Variants in TPM1 observed in about 807,000 individuals in gnomAD.
TPM1 encodes the protein tropomyosin 1, also known as tropomyosin alpha-1 chain.
In TPM1, 24 loss-of-function variants were observed where a neutral mutation model predicts 42.9. The observed-to-expected ratio is 0.56, with a 90% confidence interval of 0.41 to 0.79. The LOEUF is 0.79. Among genes scored for constraint, TPM1 ranks in the 30% least tolerant of loss-of-function variants. TPM1 has a pLI of 0.00. For missense variants in TPM1, 158 were observed against 351.8 expected, an observed-to-expected ratio of 0.45 and a Z score of 4.41; for synonymous variants, 136 against 130.1, an observed-to-expected ratio of 1.05 and a Z score of -0.31.
chr15:63,064,422 T>G, intron 9 of TPM1: 2 of 1,236,606 alleles, frequency 1.6e-6, no homozygotes, highest in Non-Finnish European at 2.0e-6. Flanking sequence ...AGCACTGTCC[T>G]TTTGGGAAAT....
intron 2 of TPM1, chr15:63,048,926 C>A (rs751240374): frequency 2.1e-5 from 14 of 657,176 alleles, no homozygotes; most frequent in Non-Finnish European, 3.2e-5. Context: ...CCAAAGTAAA[C>A]GCTCCCAGGG....
intron 2 of TPM1, chr15:63,045,794 G>C (rs2032264981): frequency 6.6e-6 from 1 of 152,226 alleles, no homozygotes; most frequent in African/African-American, 2.4e-5. Context: ...GTTATTTAAA[G>C]TCAGCTGGTG....
chr15:63,043,596 C>G (rs1197551364), intron 1 of TPM1: 2 of 1,503,744 alleles, frequency 1.3e-6, no homozygotes, highest in African/African-American at 2.8e-5. Context: ...CACTCCAACT[C>G]GGCGGCGCCC....
At chr15:63,070,224 AT>A, downstream of TPM1, 3 of 1,207,816 alleles carry the variant, frequency 2.5e-6, no homozygotes, top group Non-Finnish European at 3.1e-6. Context: ...GAACTGATAA[AT>A]AATGAGGAGC....
At chr15:63,061,118 T>C (rs1319395944) in intron 5 of TPM1, 179 bp downstream of exon 5, 6 of 1,499,090 alleles carry the variant, frequency 4.0e-6, no homozygotes, top group Admixed American at 1.7e-5. Context: ...GTCTTATGTA[T>C]GAATGCGTGT....
rs757080224 is a variant in TPM1 at position 63,065,930 on chromosome 15, C to G, written c.*31C>G. The G allele has an allele frequency of 5.6e-6, 9 of 1,609,738 alleles. No individual in the cohort carries two copies. The highest frequency in any genetic ancestry group is 1.7e-5 in the Admixed American group (1 of 59,590). ...TTTGCTTCACTTCTCCCAAGACTCC[C>G]TCGTCGAGCTGGATGTCCCACCTCT... On this transcript the variant is annotated 3_prime_UTR_variant, in exon 10 of 10. Coordinates refer to ENST00000403994, the MANE Select transcript of TPM1 (RefSeq NM_001018005.2).
intron 8 of TPM1, 161 bp downstream of exon 8, chr15:63,062,806 A>G (rs2035828781): frequency 6.5e-7 from 1 of 1,541,620 alleles, no homozygotes; most frequent in Non-Finnish European, 8.7e-7. Context: ...TCTTGAACTC[A>G]TGAACCTAAG....
At chr15:63,071,268 C>T in exon 9 of TPM1, 1 of 1,361,908 alleles carries the variant, frequency 7.3e-7, no homozygotes, top group Non-Finnish European at 1.0e-6. Flanking sequence ...ACTTTTACCA[C>T]TGTCACAGAA....
intron 9 of TPM1, 90 bp from the exon 10 acceptor site, chr15:63,065,806 C>T: frequency 1.4e-6 from 2 of 1,437,730 alleles, no homozygotes; most frequent in Non-Finnish European, 1.9e-6. Flanking sequence ...GTTTCAAGTG[C>T]TCTCATCTAT....
At chr15:63,057,298 C>G (rs1756099778) in intron 3 of TPM1, among the ~76,000 whole-genome samples, 180 bp downstream of exon 3, 2 of 152,214 alleles carry the variant, frequency 1.3e-5, no homozygotes, top group Admixed American at 1.3e-4. Context: ...GAAACACCTA[C>G]TATGTCCAAA....
At chr15:63,049,126 C>T (rs1048863923) in intron 2 of TPM1, 1 of 228,856 alleles carries the variant, frequency 4.4e-6, no homozygotes, top group African/African-American at 2.4e-5. Context: ...AGAAGGGGCG[C>T]CGACAGGTCA....
At position 63,050,489 on chromosome 15, in the gene TPM1, T is replaced by G. The variant is rs1461953953; in HGVS notation, c.240+6337T>G. On this transcript the variant is annotated intron_variant, in intron 2 of 9. Transcript: ENST00000403994. Reference sequence around the variant, plus strand: ...TGATGTTAGACACAAAAGATAAATTTTATGAAGGGCACATTATTACTTTTA... The same window carrying G: ...TGATGTTAGACACAAAAGATAAATTGTATGAAGGGCACATTATTACTTTTA... Among the ~76,000 whole-genome samples, 3 of 152,222 alleles carry G rather than the reference T, an allele frequency of 2.0e-5. No homozygotes were observed. In the East Asian group the frequency reaches 5.8e-4, roughly 29 times the overall value.
chr15:63,061,921 C>A, intron 6 of TPM1, 133 bp downstream of exon 6: 2 of 807,470 alleles, frequency 2.5e-6, no homozygotes, highest in Non-Finnish European at 4.1e-6. Flanking sequence ...TGGAGAGTTA[C>A]TAGATAACAA....
chr15:63,043,232 G>A (rs2031564589), intron 1 of TPM1: 1 of 523,022 alleles, frequency 1.9e-6, no homozygotes. Flanking sequence ...GTTTGGGGGA[G>A]GGAGGAGGAC....
chr15:63,057,261 G>C (rs753756183), intron 3 of TPM1, 143 bp downstream of exon 3: 1 of 1,210,796 alleles, frequency 8.3e-7, no homozygotes, highest in East Asian at 2.6e-5. Context: ...GGTATAACTC[G>C]GTTGGTTTTG....
intron 5 of TPM1, 161 bp from the exon 6 acceptor site, chr15:63,061,552 C>T (rs1422882935): frequency 1.3e-6 from 1 of 794,372 alleles, no homozygotes; most frequent in South Asian, 1.4e-5. Flanking sequence ...GGGCAGTGTT[C>T]CTGGAAAACC....
At chr15:63,062,090 A>T in intron 6 of TPM1, 125 bp from the exon 7 acceptor site, 2 of 845,746 alleles carry the variant, frequency 2.4e-6, no homozygotes, top group South Asian at 2.8e-5. Flanking sequence ...ATTTGATATC[A>T]GAGGTTCCAT....
chr15:63,064,902 G>A, intron 9 of TPM1: 4 of 748,670 alleles, frequency 5.3e-6, no homozygotes, highest in Non-Finnish European at 6.5e-6. Context: ...GGGAGGTGGA[G>A]CTTGCAGTCA....
intron 7 of TPM1, 133 bp from the exon 8 acceptor site, chr15:63,062,443 G>A (rs756429776): frequency 1.3e-4 from 159 of 1,264,498 alleles, no homozygotes; most frequent in Non-Finnish European, 1.7e-4. Context: ...TCACAGAGGT[G>A]ACTGAAACTG....
Sources: allele counts gnomAD v4.1 joint callset (sites outside exome capture counted in the v4.1 genomes callset), GRCh38; gene constraint gnomAD v4.1.1; transcripts MANE v1.5; gene names NCBI Gene and HGNC (gene_info 2026-07-23, HGNC 2026-07-21).